Variants in USHBP1 observed in about 807,000 individuals in gnomAD.
USHBP1 encodes USH1 protein network component harmonin binding protein 1.
In USHBP1, 67 loss-of-function variants were observed where a neutral mutation model predicts 76.2. The ratio of observed to expected loss-of-function variants is 0.88; its 90% CI spans 0.72 to 1.08. The LOEUF (loss-of-function observed/expected upper bound fraction) is 1.08, where lower values mean the gene tolerates loss of function less well. USHBP1 is among the 50% of genes least tolerant of loss of function. USHBP1 has a pLI of 0.00. For missense variants in USHBP1, 931 were observed against 915.0 expected, an observed-to-expected ratio of 1.02 and a Z score of -0.23; for synonymous variants, 322 against 362.2, an observed-to-expected ratio of 0.89 and a Z score of 1.26.
At position 17,255,599 on chromosome 19, in the gene USHBP1, A is replaced by G; in HGVS notation, c.1478T>C (p.Leu493Pro). ...CTGCAGCCGAAGCATCAGGTCCGCC[A>G]GGGCCTCCTGTGGGACCAAGGAGAG... ...QQDLVAAREA[L>P]ADLMLRLQLV... The change falls in exon 10 of 13, where the codon CTG (leucine) becomes CCG (proline). Residue 493 changes from leucine to proline, a missense_variant. Coordinates refer to ENST00000252597, the MANE Select transcript of USHBP1 (RefSeq NM_031941.4). The G allele has an allele frequency of 1.2e-6, 2 of 1,610,288 alleles. No individual in the cohort carries two copies. Among genetic ancestry groups the G allele is most frequent in the Non-Finnish European group, 1.7e-6 (2 of 1,177,956 alleles).
chr19:17,256,192 A>G (rs909573250), intron 9 of USHBP1, among the ~76,000 whole-genome samples: 1 of 152,194 alleles, frequency 6.6e-6, no homozygotes, highest in South Asian at 2.1e-4. Flanking sequence ...CAGAACCTCA[A>G]GTTTTTCATG....
chr19:17,258,363 T>C lies in USHBP1; in HGVS notation c.1069A>G (p.Arg357Gly), dbSNP rs779123428. ...QYSEHCEEAY[R>G]VLLALREADS... ...GCCTCCCGCAGAGCAAGCAGAACCCTGTATGCCTCTTCACAGTGTTCACTG... is the reference window on the plus strand; with the variant it reads ...GCCTCCCGCAGAGCAAGCAGAACCCCGTATGCCTCTTCACAGTGTTCACTG... Residue 357 changes from arginine to glycine, a missense_variant, in exon 8 of 13, where the codon AGG becomes GGG. Coordinates refer to ENST00000252597, the MANE Select transcript of USHBP1 (RefSeq NM_031941.4). 5.0e-6 allele frequency: 8 copies of C among 1,613,788 alleles called. No individual in the cohort carries two copies. Among genetic ancestry groups the C allele is most frequent in the Non-Finnish European group, 1.7e-6 (2 of 1,179,978 alleles).
rs138780321 is a variant in USHBP1, at chr19:17,264,585, C to T, written c.-49+86G>A. The T allele has an allele frequency of 1.2e-3, 598 of 479,652 alleles. 4 individuals carry two copies. Among genetic ancestry groups the T allele is most frequent in the Middle Eastern group, 6.1e-3 (11 of 1,802 alleles). 29.7% of individuals were successfully genotyped at this position (479,652 alleles called of 1,614,324 possible). A position where few individuals can be genotyped will look rare whatever the true frequency, so the allele number is the denominator to read the frequency against. ...CCTTCACTACGTCTTTGTCCACTTT[C>T]CTCCTCTATTTGAGCCTGGGAATGC... On this transcript the variant is annotated intron_variant, in intron 1 of 12. Coordinates refer to ENST00000252597, the MANE Select transcript of USHBP1 (RefSeq NM_031941.4).
intron 9 of USHBP1, 35 bp downstream of exon 9, chr19:17,256,436 G>C (rs1185898576): frequency 6.2e-7 from 1 of 1,609,332 alleles, no homozygotes; most frequent in Admixed American, 1.7e-5. Context: ...GTCCCACCAA[G>C]AAAGACTGAC....
chr19:17,256,929 C>T (rs1187546226), intron 8 of USHBP1, among the ~76,000 whole-genome samples: 2 of 152,062 alleles, frequency 1.3e-5, no homozygotes, highest in South Asian at 2.1e-4. Flanking sequence ...TGATGCATGC[C>T]TGTAACCCCA....
In USHBP1 at chr19:17,250,062, T is replaced by G; in HGVS notation, c.*163A>C. 1.4e-6 allele frequency: 1 copy of G among 731,804 alleles called. No homozygotes were observed. Among genetic ancestry groups the G allele is most frequent in the Non-Finnish European group, 2.2e-6 (1 of 463,542 alleles). The allele number at this position is 731,804 out of a possible 1,614,324, so 45.3% of individuals were successfully genotyped here. ...GACACCTGAGTCTTTCTTCATTGCC[T>G]GGCCACACCCCATCAGGCCCTGGAC... On this transcript the variant is annotated 3_prime_UTR_variant, in exon 13 of 13. Transcript: ENST00000252597.
intron 7 of USHBP1, 102 bp downstream of exon 7, chr19:17,259,187 A>G (rs2073657508): frequency 6.8e-7 from 1 of 1,468,696 alleles, no homozygotes; most frequent in Non-Finnish European, 9.0e-7. Flanking sequence ...TAATTTCTGA[A>G]GTGGGGAAGG....
At chr19:17,254,865 G>A (rs1388945533) in intron 10 of USHBP1, among the ~76,000 whole-genome samples, 1 of 151,978 alleles carries the variant, frequency 6.6e-6, no homozygotes, top group African/African-American at 2.4e-5. Flanking sequence ...AGGAGGTGAT[G>A]TCTAAGCTGA....
chr19:17,256,601 G>T lies in USHBP1; in HGVS notation c.1340C>A (p.Pro447His). The change falls in exon 9 of 13, where the codon CCC becomes CAC. Residue 447 changes from proline to histidine, a missense_variant. Transcript: ENST00000252597. The part of the protein sequence containing the change: ...SLMKILSEPG[P>H]TLAPMPTVPR... ...CACAGTGGGCATGGGTGCCAAGGTG[G>T]GGCCAGGCTCTGAGAGAATCTTCAT... 6.2e-7 allele frequency: 1 copy of T among 1,614,210 alleles called. No homozygotes were observed. The highest frequency in any genetic ancestry group is 1.1e-5 in the South Asian group (1 of 91,086).
At chr19:17,261,337 C>CTTTCTTTCTTTTTT (rs747378053) in intron 4 of USHBP1, among the ~76,000 whole-genome samples, 1 of 123,928 alleles carries the variant, frequency 8.1e-6, no homozygotes, top group Admixed American at 8.6e-5. Context: ...TTCTTTCTTT[C>CTTTCTTTCTTTTTT]TTTTTTTTTT....
chr19:17,262,159 C>G (rs755815360), intron 4 of USHBP1, among the ~76,000 whole-genome samples: 39 of 152,126 alleles, frequency 2.6e-4, no homozygotes, highest in Non-Finnish European at 5.3e-4. Flanking sequence ...TGCCACCGCA[C>G]CCGGCTAATT....
chr19:17,256,056 T>C lies in USHBP1; in HGVS notation c.1470+415A>G, dbSNP rs181804785. 2.8e-4 allele frequency among the ~76,000 whole-genome samples: 43 copies of C among 152,224 alleles called. No homozygotes were observed. In the Middle Eastern group the frequency reaches 0.014, roughly 48 times the overall value. Reference sequence around the variant, plus strand: ...AGGACCTTCACCATTCACCATGTTCTTGTGAGGTGGAAATATCTTCCTCCC... The same window carrying C: ...AGGACCTTCACCATTCACCATGTTCCTGTGAGGTGGAAATATCTTCCTCCC... On this transcript the variant is annotated intron_variant, in intron 9 of 12. Transcript: ENST00000252597.
chr19:17,261,643 T>TA (rs988487855), intron 4 of USHBP1, among the ~76,000 whole-genome samples: 1 of 75,514 alleles, frequency 1.3e-5, no homozygotes, highest in African/African-American at 5.8e-5. Context: ...TATTATTATT[T>TA]TTTTTTTTTT....
chr19:17,262,889 G>T lies in USHBP1; in HGVS notation c.305C>A (p.Ala102Asp), dbSNP rs1427337556. ...AVEAHQAPEA[A>D]LQYKETVPPG... ...GGGCACAGTCTCCTTGTACTGTAGG[G>T]CTGCTTCTGGGGCTTGGTGGGCTTC... The change falls in exon 4 of 13, where the codon GCC (alanine) becomes GAC (aspartate). Residue 102 changes from alanine to aspartate, a missense_variant. By Grantham distance (126) the Ala-to-Asp change is moderately radical. Coordinates refer to ENST00000252597, the MANE Select transcript of USHBP1 (RefSeq NM_031941.4). The T allele has an allele frequency of 1.9e-6, 3 of 1,594,506 alleles. No individual in the cohort carries two copies. The East Asian group carries it at 6.7e-5, about 36-fold the overall frequency.
At position 17,251,614 on chromosome 19, in the gene USHBP1, G is replaced by C. The variant is rs115398865; in HGVS notation, c.1890C>G (p.Ala630=). 3 of 1,613,970 alleles carry C rather than the reference G, an allele frequency of 1.9e-6. No homozygotes were observed. Among genetic ancestry groups the C allele is most frequent in the Non-Finnish European group, 2.5e-6 (3 of 1,179,970 alleles). The change falls in exon 12 of 13, where the codon GCC becomes GCG. Residue 630 remains alanine (A), a synonymous_variant. Transcript: ENST00000252597. ...QKGRARRSQS[A]ELNRDLCKAH... Reference sequence around the variant, plus strand: ...CTTTGCATAAATCCCTGTTCAGCTCGGCACTCTGAGACCGTCTGGCTCGCC... The same window carrying C: ...CTTTGCATAAATCCCTGTTCAGCTCCGCACTCTGAGACCGTCTGGCTCGCC...
chr19:17,263,781 C>G (rs1176813785), intron 3 of USHBP1: 1 of 534,282 alleles, frequency 1.9e-6, no homozygotes, highest in African/African-American at 1.9e-5. Context: ...CTGAGGCTCC[C>G]GCTTGAACCG....
In USHBP1 at chr19:17,256,515, G is replaced by T. The variant is rs147715679; in HGVS notation, c.1426C>A (p.Arg476=). Reference sequence around the variant, plus strand: ...TGCTGAATTTGTGTCTTCTCCAGTCGGGGAAGAGCTGGGCCAGCCTGGGTC... The same window carrying T: ...TGCTGAATTTGTGTCTTCTCCAGTCTGGGAAGAGCTGGGCCAGCCTGGGTC... ...LGTQAGPALP[R]LEKTQIQQDL... is the part of the protein sequence containing the mutation. Residue 476 remains arginine (R), a synonymous_variant, in exon 9 of 13, where the codon CGA becomes AGA. Transcript: ENST00000252597. The T allele has an allele frequency of 1.2e-6, 2 of 1,613,904 alleles. No individual in the cohort carries two copies. The highest frequency in any genetic ancestry group is 2.7e-5 in the African/African-American group (2 of 75,028).
chr19:17,253,083 C>T (rs1433833406), intron 10 of USHBP1, among the ~76,000 whole-genome samples: 1 of 151,540 alleles, frequency 6.6e-6, no homozygotes, highest in Admixed American at 6.6e-5. Flanking sequence ...ATTCTCCTGC[C>T]TCAGCCTCCC....
chr19:17,253,384 G>A (rs2073578051), intron 10 of USHBP1, among the ~76,000 whole-genome samples: 1 of 148,872 alleles, frequency 6.7e-6, no homozygotes, highest in African/African-American at 2.5e-5. Context: ...CACCCCTCCA[G>A]GTTTAAGCAA....
Sources: allele counts gnomAD v4.1 joint callset (sites outside exome capture counted in the v4.1 genomes callset), GRCh38; gene constraint gnomAD v4.1.1; transcripts MANE v1.5; gene names NCBI Gene and HGNC (gene_info 2026-07-23, HGNC 2026-07-21).